The following CAMK2G variants were observed in gnomAD, a reference collection of about 807,000 sequenced individuals.
CAMK2G encodes the protein calcium/calmodulin dependent protein kinase II gamma.
In CAMK2G, 23 loss-of-function variants were observed where a neutral mutation model predicts 88.7. The observed-to-expected ratio is 0.26, with a 90% CI of 0.19 to 0.37. CAMK2G has a LOEUF of 0.37. Among genes scored for constraint, CAMK2G ranks in the 10% least tolerant of loss-of-function variants. CAMK2G has a pLI of 1.00. For synonymous variants in CAMK2G, 263 were observed against 294.8 expected (o/e 0.89, Z 1.11); for missense variants, 476 against 780.8 (o/e 0.61, Z 4.65).
At chr10:73,843,560 A>C (rs1462979837) in intron 10 of CAMK2G, among the ~76,000 whole-genome samples, 1 of 151,976 alleles carries the variant, frequency 6.6e-6, no homozygotes, top group Non-Finnish European at 1.5e-5. Flanking sequence ...GGCCTGCAAA[A>C]ATGACCCCAG....
Position 73,848,006 on chromosome 10 carries a change from G to T in CAMK2G, c.678C>A (p.Ile226=). 6.2e-7 allele frequency: 1 copy of T among 1,610,096 alleles called. No homozygotes were observed. Among genetic ancestry groups the T allele is most frequent in the Non-Finnish European group, 8.5e-7 (1 of 1,176,492 alleles). The change falls in exon 9 of 23, where the codon ATC becomes ATA. Residue 226 remains isoleucine (I), a synonymous_variant. Transcript: ENST00000423381. The surrounding 1 kb of genome is among the most constrained non-coding windows in gnomAD (Gnocchi z 4.5). ...DEDQHKLYQQ[I]KAGAYDFPSP... ...TCCTTACATCATAGGCTCCAGCCTT[G>T]ATCTGCTGATACAGCTTGTGCTGAT...
chr10:73,823,304 C>T (rs973971310), intron 17 of CAMK2G, among the ~76,000 whole-genome samples: 5 of 152,194 alleles, frequency 3.3e-5, no homozygotes, highest in Non-Finnish European at 7.3e-5. Flanking sequence ...CAACCTCCAC[C>T]TCCCAGGCTC....
chr10:73,843,189 G>A (rs1435841013), intron 10 of CAMK2G, among the ~76,000 whole-genome samples: 1 of 151,632 alleles, frequency 6.6e-6, no homozygotes, highest in Non-Finnish European at 1.5e-5. Context: ...TTGGCCTCCC[G>A]AGTAGCTGGG....
In CAMK2G at chr10:73,824,134, C is replaced by G. The variant is rs561161454; in HGVS notation, c.1156-50G>C. 3.4e-6 allele frequency: 5 copies of G among 1,487,328 alleles called. No homozygotes were observed. In the Admixed American group the frequency reaches 5.0e-5, roughly 15 times the overall value. 92.1% of individuals were successfully genotyped at this position (1,487,328 alleles called of 1,614,324 possible). A position where few individuals can be genotyped will look rare whatever the true frequency, so the allele number is the denominator to read the frequency against. On this transcript the variant is annotated intron_variant, in intron 16 of 22. Transcript: ENST00000423381. ...CTTCCGACTTGGGGACAGACTATGGCTCTTCCCTGAGGAGCCCCACCTGCA... is the reference window on the plus strand; with the variant it reads ...CTTCCGACTTGGGGACAGACTATGGGTCTTCCCTGAGGAGCCCCACCTGCA...
At chr10:73,871,231 G>C (rs369256671) in intron 2 of CAMK2G, among the ~76,000 whole-genome samples, 3 of 152,122 alleles carry the variant, frequency 2.0e-5, no homozygotes, top group African/African-American at 7.2e-5. Flanking sequence ...ATATCCATTG[G>C]GAAAGATGGG....
At chr10:73,852,527 G>A (rs914833760) in intron 4 of CAMK2G, 2 of 555,482 alleles carry the variant, frequency 3.6e-6, no homozygotes, top group African/African-American at 3.8e-5. Context: ...CTTCCTTCCG[G>A]ACATTTCTTT....
chr10:73,843,390 A>C (rs2093966557), intron 10 of CAMK2G, among the ~76,000 whole-genome samples: 1 of 152,142 alleles, frequency 6.6e-6, no homozygotes, highest in Non-Finnish European at 1.5e-5. Context: ...ATTTGTCTTC[A>C]ATGTATTTAC....
intron 14 of CAMK2G, among the ~76,000 whole-genome samples, chr10:73,829,444 G>A (rs945098955): frequency 1.4e-4 from 21 of 151,788 alleles, no homozygotes; most frequent in East Asian, 1.9e-4. Flanking sequence ...ACAGGCGCCC[G>A]CCACCACGCC....
intron 2 of CAMK2G, among the ~76,000 whole-genome samples, chr10:73,866,593 C>T (rs1054452648): frequency 6.6e-6 from 1 of 152,226 alleles, no homozygotes; most frequent in Admixed American, 6.5e-5. Flanking sequence ...AAGTTCCAAT[C>T]TCAAAGACAT....
intron 1 of CAMK2G, 76 bp from the exon 2 acceptor site, chr10:73,873,159 G>A (rs112935295): frequency 1.8e-6 from 2 of 1,102,776 alleles, no homozygotes; most frequent in Non-Finnish European, 2.8e-6. Context: ...GTCTGGGGAC[G>A]ATGATGCTCC....
intron 14 of CAMK2G, among the ~76,000 whole-genome samples, chr10:73,830,705 C>T (rs540793607): frequency 6.6e-6 from 1 of 152,322 alleles, no homozygotes; most frequent in East Asian, 1.9e-4. Flanking sequence ...GTGGCCTCTT[C>T]AGTCATCCTC....
In CAMK2G at chr10:73,848,607, A is replaced by C; in HGVS notation, c.520T>G (p.Phe174Val). 6.2e-7 allele frequency: 1 copy of C among 1,602,900 alleles called. No individual in the cohort carries two copies. Among genetic ancestry groups the C allele is most frequent in the Non-Finnish European group, 8.5e-7 (1 of 1,171,942 alleles). ...VQGEQQAWFG[F>V]AGTPGYLSPE... ...GACAAGTAACCTGGGGTGCCAGCAA[A>C]ACCTGTAGCAAAAGAGAGGGCAGAG... is the stretch of plus-strand genomic sequence containing the variant. The change falls in exon 8 of 23, where the codon TTT becomes GTT. Residue 174 changes from phenylalanine to valine, a missense_variant and splice_region_variant. Physicochemically the swap from Phe to Val is conservative, Grantham distance 50. Transcript: ENST00000423381. This position sits in a 1 kb window ranked among gnomAD's most constrained non-coding sequence, Gnocchi z 4.5.
chr10:73,824,694 C>A (rs540966376), intron 16 of CAMK2G, among the ~76,000 whole-genome samples: 8 of 152,212 alleles, frequency 5.3e-5, no homozygotes, highest in African/African-American at 1.7e-4. Flanking sequence ...CAGTCACCCC[C>A]CTGCTGACTC....
intron 1 of CAMK2G, among the ~76,000 whole-genome samples, chr10:73,874,134 G>A (rs1411725239): frequency 6.7e-6 from 1 of 150,288 alleles, no homozygotes; most frequent in Non-Finnish European, 1.5e-5. Context: ...CGGGGCTGGA[G>A]GGCACCCGGG....
chr10:73,871,227 A>T (rs1448340933), intron 2 of CAMK2G, among the ~76,000 whole-genome samples: 2 of 152,116 alleles, frequency 1.3e-5, no homozygotes, highest in African/African-American at 4.8e-5. Flanking sequence ...AAAGATATCC[A>T]TTGGGAAAGA....
At chr10:73,853,917 AACAG>A (rs1025980104) in intron 3 of CAMK2G, among the ~76,000 whole-genome samples, 5 of 152,230 alleles carry the variant, frequency 3.3e-5, no homozygotes. Context: ...ATTCAGGAGG[AACAG>A]ACAGAGTGCC....
chr10:73,816,518 T>C (rs1379705250), intron 21 of CAMK2G: 3 of 888,866 alleles, frequency 3.4e-6, no homozygotes, highest in African/African-American at 3.5e-5. Context: ...TGGAGTGCAG[T>C]GGCCTGATCT....
rs1465385109 is a variant in CAMK2G, at chr10:73,814,320, C to T, written c.*198G>A. The T allele has an allele frequency of 1.9e-5, 2 of 105,830 alleles. No individual in the cohort carries two copies. Among genetic ancestry groups the T allele is most frequent in the Admixed American group, 1.2e-4 (1 of 8,078 alleles). The allele number at this position is 105,830 out of a possible 1,614,324, so 6.6% of individuals were successfully genotyped here. ...TTTTTCTTAAATGTAAAAAACACCT[C>T]GGTACAGCAGAGACAGACACGAAGG... On this transcript the variant is annotated 3_prime_UTR_variant, in exon 23 of 23. Transcript: ENST00000423381.
chr10:73,840,053 C>A (rs964065614), intron 12 of CAMK2G, among the ~76,000 whole-genome samples: 10 of 152,190 alleles, frequency 6.6e-5, no homozygotes, highest in African/African-American at 2.4e-4. Context: ...CCCCTCTCTA[C>A]ATCCCACACA....
Sources: gnomAD v4.1 joint callset for allele counts (sites outside exome capture counted in the v4.1 genomes callset) on GRCh38, gnomAD v4.1.1 for gene constraint, Gnocchi (gnomAD v3.1) non-coding constraint, MANE v1.5 for transcripts, NCBI Gene and HGNC (gene_info 2026-07-23, HGNC 2026-07-21) for gene names.